ZNF385D: variants seen among roughly 807,000 people sequenced by gnomAD.
The protein encoded by ZNF385D is zinc finger protein 385D, also known as zinc finger protein 659.
In ZNF385D, 15 loss-of-function variants were observed where a neutral mutation model predicts 35.8. The observed-to-expected ratio is 0.42, with a 90% confidence interval of 0.28 to 0.64. The LOEUF (loss-of-function observed/expected upper bound fraction) is 0.64, where lower values mean the gene tolerates loss of function less well. Ranked by LOEUF, ZNF385D falls within the 30% of genes least tolerant of loss-of-function variation. The pLI, the probability that ZNF385D is intolerant of heterozygous loss-of-function variation, is 0.23. For synonymous variants in ZNF385D, 212 were observed against 186.8 expected (o/e 1.13, Z -1.10); for missense variants, 474 against 494.6 (o/e 0.96, Z 0.39).
intron 3 of ZNF385D, among the ~76,000 whole-genome samples, chr3:21,760,413 A>G (rs1446425438): frequency 6.6e-6 from 1 of 152,200 alleles, no homozygotes; most frequent in African/African-American, 2.4e-5. Context: ...AATGCTACCC[A>G]TAGCCTCTTA....
chr3:22,280,851 T>C (rs557296383), intron 2 of ZNF385D, among the ~76,000 whole-genome samples: 16 of 152,202 alleles, frequency 1.1e-4, no homozygotes, highest in African/African-American at 3.8e-4. Context: ...AGATTGCTTT[T>C]GGCATTATGG....
chr3:21,422,495 G>A (rs1700789087), intron 7 of ZNF385D, among the ~76,000 whole-genome samples: 2 of 151,974 alleles, frequency 1.3e-5, no homozygotes, highest in South Asian at 4.2e-4. Context: ...CATTCTATGA[G>A]GCCAGCATCA....
intron 2 of ZNF385D, among the ~76,000 whole-genome samples, chr3:22,247,201 T>C (rs1699830747): frequency 6.6e-6 from 1 of 152,274 alleles, no homozygotes; most frequent in African/African-American, 2.4e-5. Flanking sequence ...GATAATAATG[T>C]CCTTTAGAAT....
At chr3:21,435,767 G>GA (rs1274507800) in intron 5 of ZNF385D, among the ~76,000 whole-genome samples, 1 of 152,148 alleles carries the variant, frequency 6.6e-6, no homozygotes, top group East Asian at 1.9e-4. Flanking sequence ...TAAACACATG[G>GA]AAAATCTGCA....
intron 3 of ZNF385D, among the ~76,000 whole-genome samples, chr3:21,768,287 C>A (rs1012041891): frequency 1.3e-5 from 2 of 151,862 alleles, no homozygotes; most frequent in Non-Finnish European, 2.9e-5. Context: ...TTAATCATAC[C>A]TTAACAGCAT....
chr3:22,359,220 C>G (rs1170581201), intron 2 of ZNF385D, among the ~76,000 whole-genome samples: 1 of 151,546 alleles, frequency 6.6e-6, no homozygotes, highest in Non-Finnish European at 1.5e-5. Context: ...TTAGTTAATG[C>G]TGGGAGGACA....
chr3:22,139,458 C>A (rs565639787), intron 3 of ZNF385D, among the ~76,000 whole-genome samples: 2 of 152,006 alleles, frequency 1.3e-5, no homozygotes, highest in African/African-American at 4.8e-5. Flanking sequence ...AGTTCATGTC[C>A]TTTGTAGGGA....
chr3:21,699,084 A>T (rs1194057775), intron 1 of ZNF385D, among the ~76,000 whole-genome samples: 1 of 152,236 alleles, frequency 6.6e-6, no homozygotes, highest in East Asian at 1.9e-4. Context: ...ACTTGGAACC[A>T]ACCCAAATGT....
chr3:21,484,887 C>G (rs1704918581), intron 4 of ZNF385D, among the ~76,000 whole-genome samples: 1 of 152,068 alleles, frequency 6.6e-6, no homozygotes, highest in Non-Finnish European at 1.5e-5. Flanking sequence ...GCAGACTGCT[C>G]CTGTGCCCAG....
intron 2 of ZNF385D, among the ~76,000 whole-genome samples, chr3:21,625,413 C>T (rs1286489032): frequency 6.6e-6 from 1 of 152,028 alleles, no homozygotes; most frequent in South Asian, 2.1e-4. Flanking sequence ...TTTTGGCCTT[C>T]TGTGACAAAA....
At chr3:21,541,721 G>A (rs2062181450) in intron 3 of ZNF385D, among the ~76,000 whole-genome samples, 1 of 152,112 alleles carries the variant, frequency 6.6e-6, no homozygotes, top group Admixed American at 6.6e-5. Flanking sequence ...AAAAGCAAGA[G>A]TCTTGATAAA....
intron 3 of ZNF385D, among the ~76,000 whole-genome samples, chr3:21,514,871 C>T (rs1295338742): frequency 6.6e-6 from 1 of 151,928 alleles, no homozygotes; most frequent in Non-Finnish European, 1.5e-5. Flanking sequence ...GGAATATTAG[C>T]ACATTGTGTT....
At chr3:21,779,440 C>T (rs2071410708) in intron 3 of ZNF385D, among the ~76,000 whole-genome samples, 1 of 151,634 alleles carries the variant, frequency 6.6e-6, no homozygotes, top group Admixed American at 6.6e-5. Context: ...CGGATTGTTG[C>T]CTTTATATAA....
chr3:21,948,528 C>T (rs937755642), intron 3 of ZNF385D, among the ~76,000 whole-genome samples: 8 of 152,106 alleles, frequency 5.3e-5, no homozygotes, highest in African/African-American at 1.9e-4. Flanking sequence ...ATAACTACCC[C>T]GCTTCTCACA....
At chr3:21,608,049 G>A (rs1341529493) in intron 2 of ZNF385D, among the ~76,000 whole-genome samples, 7 of 55,462 alleles carry the variant, frequency 1.3e-4, no homozygotes, top group Middle Eastern at 0.011. Flanking sequence ...TCTTGCTGTC[G>A]CCCAGACAGG....
intron 1 of ZNF385D, among the ~76,000 whole-genome samples, chr3:21,694,922 G>A (rs76593228): frequency 0.015 from 2,356 of 152,272 alleles, 59 homozygotes; most frequent in African/African-American, 0.052. Flanking sequence ...AAGCAGAGAG[G>A]AAGGGAAGAA....
rs181975770 is a variant in ZNF385D, at chr3:22,262,018, A to G, written c.107-92983T>C. The stretch of plus-strand genomic sequence containing the variant: ...CTGGTAGAAATAGATTGATCCATTA[A>G]TATTTTTAAACTTGCAGCATATTAT... On this transcript the variant is annotated intron_variant, in intron 2 of 5. Coordinates refer to the ZNF385D transcript ENST00000494108. 2.1e-3 allele frequency among the ~76,000 whole-genome samples: 317 copies of G among 152,132 alleles called. 2 individuals are homozygous for G. The highest frequency in any genetic ancestry group is 6.6e-3 in the African/African-American group (274 of 41,530).
intron 3 of ZNF385D, among the ~76,000 whole-genome samples, chr3:21,809,599 TA>T (rs2072812887): frequency 6.6e-6 from 1 of 150,848 alleles, no homozygotes; most frequent in Non-Finnish European, 1.5e-5. Context: ...GATATATATA[TA>T]CACATATATA....
intron 1 of ZNF385D, among the ~76,000 whole-genome samples, chr3:21,705,376 T>A (rs1238758232): frequency 6.6e-6 from 1 of 152,226 alleles, no homozygotes; most frequent in Non-Finnish European, 1.5e-5. Flanking sequence ...CAAGTTCTCC[T>A]ATATTTATAT....
Sources: gnomAD v4.1 joint callset for allele counts (sites outside exome capture counted in the v4.1 genomes callset) on GRCh38, gnomAD v4.1.1 for gene constraint, MANE v1.5 for transcripts, NCBI Gene and HGNC (gene_info 2026-07-23, HGNC 2026-07-21) for gene names.